PCDHGA11: variants seen among roughly 807,000 people sequenced by gnomAD.
PCDHGA11 encodes protocadherin gamma-A11.
Under a neutral mutation model 60.4 loss-of-function variants are expected in PCDHGA11, and 39 were observed. The ratio of observed to expected loss-of-function variants is 0.65; its 90% CI spans 0.50 to 0.84. PCDHGA11 has a LOEUF of 0.84. PCDHGA11 is among the 40% of genes least tolerant of loss of function. PCDHGA11 has a pLI of 0.00. For synonymous variants in PCDHGA11, 533 were observed against 510.3 expected (o/e 1.04, Z -0.60); for missense variants, 1,165 against 1,197.7 (o/e 0.97, Z 0.40).
At position 141,490,909 on chromosome 5, in the gene PCDHGA11, G is replaced by A. The variant is rs1170664693; in HGVS notation, c.2434-3898G>A. On this transcript the variant is annotated intron_variant, in intron 1 of 3. Coordinates refer to ENST00000398587, the MANE Select transcript of PCDHGA11 (RefSeq NM_018914.3). The surrounding 1 kb of genome is among the most constrained non-coding windows in gnomAD (Gnocchi z 5.4). ...ATCTCTGCATGTGTTTGTCCTAGAC[G>A]AGAATGATAATGCCCCAGCTGTGCT... The A allele has an allele frequency of 1.1e-5, 17 of 1,613,626 alleles. No individual in the cohort carries two copies. Among genetic ancestry groups the A allele is most frequent in the East Asian group, 4.5e-5 (2 of 44,882 alleles).
intron 1 of PCDHGA11, chr5:141,478,813 A>G (rs2099478658): frequency 4.8e-6 from 7 of 1,453,346 alleles, no homozygotes; most frequent in Non-Finnish European, 6.3e-6. Context: ...TGCTATCACA[A>G]CTAACCAATC....
intron 1 of PCDHGA11, among the ~76,000 whole-genome samples, chr5:141,467,055 C>CTTT (rs1193465269): frequency 2.2e-5 from 3 of 134,494 alleles, no homozygotes; most frequent in Admixed American, 7.5e-5. Context: ...TCAATGTTTT[C>CTTT]TTTTTTTTTT....
Position 141,511,151 on chromosome 5 carries a change from C to G in PCDHGA11, c.2786C>G (p.Ser929Trp). The change falls in exon 4 of 4, where the codon TCG becomes TGG. Residue 929 changes from serine (S) to tryptophan (W), a missense_variant. Transcript: ENST00000398587. ...PAGGNGNKKK[S>W]GKKEKK ...GGTGGCAATGGCAACAAGAAGAAGTCGGGCAAGAAGGAGAAGAAGTAACAT... is the reference window on the plus strand; with the variant it reads ...GGTGGCAATGGCAACAAGAAGAAGTGGGGCAAGAAGGAGAAGAAGTAACAT... The G allele has an allele frequency of 6.2e-7, 1 of 1,614,152 alleles. No individual in the cohort carries two copies. Among genetic ancestry groups the G allele is most frequent in the Non-Finnish European group, 8.5e-7 (1 of 1,179,994 alleles).
Position 141,476,263 on chromosome 5 carries a change from C to T in PCDHGA11, c.2434-18544C>T. 1 of 1,613,940 alleles carries T rather than the reference C, an allele frequency of 6.2e-7. No individual in the cohort carries two copies. The highest frequency in any genetic ancestry group is 8.5e-7 in the Non-Finnish European group (1 of 1,180,010). Reference sequence around the variant, plus strand: ...GAGAGAAGGGTTTCGCTGTGGGCAACGTGGTCGCGAACCTTGGTTTGGATC... The same window carrying T: ...GAGAGAAGGGTTTCGCTGTGGGCAATGTGGTCGCGAACCTTGGTTTGGATC... On this transcript the variant is annotated intron_variant, in intron 1 of 3. Transcript: ENST00000398587. The surrounding 1 kb of genome is among the most constrained non-coding windows in gnomAD (Gnocchi z 7.6).
chr5:141,455,856 TTTTATTA>T (rs1315325745), intron 1 of PCDHGA11, among the ~76,000 whole-genome samples: 1 of 146,240 alleles, frequency 6.8e-6, no homozygotes, highest in East Asian at 2.0e-4. Flanking sequence ...AAATAATTTC[TTTTATTA>T]TTTATTTATT....
At chr5:141,435,447 A>C (rs2097764160) in intron 1 of PCDHGA11, among the ~76,000 whole-genome samples, 1 of 152,168 alleles carries the variant, frequency 6.6e-6, no homozygotes, top group Non-Finnish European at 1.5e-5. Context: ...CATTAATACG[A>C]TATCTGTATG....
At chr5:141,481,813 G>A (rs185558948) in intron 1 of PCDHGA11, among the ~76,000 whole-genome samples, 15 of 151,942 alleles carry the variant, frequency 9.9e-5, no homozygotes, top group East Asian at 7.8e-4. Context: ...TTCACCAGGC[G>A]TGGTGGCTGA....
At chr5:141,433,612 G>A (rs1181458593) in intron 1 of PCDHGA11, among the ~76,000 whole-genome samples, 1 of 152,082 alleles carries the variant, frequency 6.6e-6, no homozygotes, top group Non-Finnish European at 1.5e-5. Context: ...GAGGCGGGTG[G>A]ATCACCTGAG....
At chr5:141,495,771 C>T (rs941051365) in intron 2 of PCDHGA11, among the ~76,000 whole-genome samples, 1 of 152,110 alleles carries the variant, frequency 6.6e-6, no homozygotes, top group Non-Finnish European at 1.5e-5. Flanking sequence ...TGTCCTTGTC[C>T]TGGACCTCTT....
At chr5:141,429,361 A>G (rs2097205912) in intron 1 of PCDHGA11, among the ~76,000 whole-genome samples, 1 of 150,698 alleles carries the variant, frequency 6.6e-6, no homozygotes, top group East Asian at 1.9e-4. Context: ...AATGCATGAG[A>G]AAATGGAGAA....
At position 141,499,027 on chromosome 5, in the gene PCDHGA11, A is replaced by AG. The variant is rs1323149397; in HGVS notation, c.2492+4163dup. 7.4e-3 allele frequency among the ~76,000 whole-genome samples: 1,116 copies of AG among 149,928 alleles called. 12 individuals are homozygous for AG. Among genetic ancestry groups the AG allele is most frequent in the African/African-American group, 0.026 (1,074 of 40,604 alleles). On this transcript the variant is annotated intron_variant, in intron 2 of 3. Transcript: ENST00000398587. ...AAGGAAGGAAGGAAGGAAGGAAGGA[A>AG]GAAAAGAAAGAAAAAGGGAGAAAAA...
chr5:141,486,734 C>G lies in PCDHGA11; in HGVS notation c.2434-8073C>G, dbSNP rs2099634292. On this transcript the variant is annotated intron_variant, in intron 1 of 3. Transcript: ENST00000398587. This position sits in a 1 kb window ranked among gnomAD's most constrained non-coding sequence, Gnocchi z 5.0. ...CCAGACAGGAGCTGTTCATGCTACT[C>G]GATCCTTTGACTATGAGCAAACCCA... 6.2e-7 allele frequency: 1 copy of G among 1,614,070 alleles called. No individual in the cohort carries two copies. The highest frequency in any genetic ancestry group is 1.7e-5 in the Admixed American group (1 of 60,000).
rs1446853595 is a variant in PCDHGA11, at chr5:141,491,363, C to T, written c.2434-3444C>T. ...ACCGTCAGTCTCTTATCCCTAGTCA[C>T]CTTCACCTTTCTGTCAGCGAAGTGC... On this transcript the variant is annotated intron_variant, in intron 1 of 3. Coordinates refer to ENST00000398587, the MANE Select transcript of PCDHGA11 (RefSeq NM_018914.3). This position sits in a 1 kb window ranked among gnomAD's most constrained non-coding sequence, Gnocchi z 6.9. The T allele has an allele frequency of 6.2e-7, 1 of 1,614,182 alleles. No individual in the cohort carries two copies. Among genetic ancestry groups the T allele is most frequent in the South Asian group, 1.1e-5 (1 of 91,082 alleles).
At chr5:141,506,563 C>T (rs925780739) in intron 3 of PCDHGA11, among the ~76,000 whole-genome samples, 2 of 152,062 alleles carry the variant, frequency 1.3e-5, no homozygotes, top group Non-Finnish European at 2.9e-5. Context: ...TAAACCCCCT[C>T]GGTTTCACTT....
chr5:141,480,887 A>T (rs2099527301), intron 1 of PCDHGA11, among the ~76,000 whole-genome samples: 1 of 152,146 alleles, frequency 6.6e-6, no homozygotes. Flanking sequence ...TCTACTAAAA[A>T]TGCAAACATT....
Position 141,490,849 on chromosome 5 carries a change from C to A in PCDHGA11, c.2434-3958C>A, listed in dbSNP as rs200640560. The A allele has an allele frequency of 6.2e-7, 1 of 1,613,748 alleles. No individual in the cohort carries two copies. Among genetic ancestry groups the A allele is most frequent in the Non-Finnish European group, 8.5e-7 (1 of 1,179,862 alleles). On this transcript the variant is annotated intron_variant, in intron 1 of 3. Coordinates refer to ENST00000398587, the MANE Select transcript of PCDHGA11 (RefSeq NM_018914.3). This position sits in a 1 kb window ranked among gnomAD's most constrained non-coding sequence, Gnocchi z 5.4. ...GATGCTGCAGATTGTGGTGGGGGTT[C>A]GAGACTCCGGCTCTCCCCCATTGCA...
intron 1 of PCDHGA11, among the ~76,000 whole-genome samples, chr5:141,472,266 G>A (rs931951683): frequency 2.0e-5 from 3 of 152,198 alleles, no homozygotes. Flanking sequence ...TTATAGCCGG[G>A]CACAGTGGCT....
intron 1 of PCDHGA11, among the ~76,000 whole-genome samples, chr5:141,454,379 T>A (rs770736083): frequency 1.2e-3 from 179 of 152,316 alleles, no homozygotes; most frequent in Non-Finnish European, 2.1e-3. Flanking sequence ...TGGCAACTTG[T>A]CAAGATGAAG....
chr5:141,449,645 A>G (rs1331667429), intron 1 of PCDHGA11, among the ~76,000 whole-genome samples: 1 of 151,128 alleles, frequency 6.6e-6, no homozygotes, highest in African/African-American at 2.4e-5. Context: ...CTATATATAC[A>G]TATTTACATA....
Sources: gnomAD v4.1 joint callset for allele counts (sites outside exome capture counted in the v4.1 genomes callset) on GRCh38, gnomAD v4.1.1 for gene constraint, Gnocchi (gnomAD v3.1) non-coding constraint, MANE v1.5 for transcripts, NCBI Gene and HGNC (gene_info 2026-07-23, HGNC 2026-07-21) for gene names.